The following ROBO2 variants were observed in gnomAD, a reference collection of about 807,000 sequenced individuals.
ROBO2 encodes the protein roundabout guidance receptor 2, also known as roundabout homolog 2.
A neutral mutation model predicts 160.8 loss-of-function variants in ROBO2; 53 were observed. The ratio of observed to expected loss-of-function variants is 0.33; its 90% CI spans 0.26 to 0.41. The LOEUF (loss-of-function observed/expected upper bound fraction) is 0.41, where lower values mean the gene tolerates loss of function less well. Among genes scored for constraint, ROBO2 ranks in the 10% least tolerant of loss-of-function variants. The pLI, the probability that ROBO2 is intolerant of heterozygous loss-of-function variation, is 1.00. For missense variants in ROBO2, 1,577 were observed against 1,722.4 expected, an observed-to-expected ratio of 0.92 and a Z score of 1.49; for synonymous variants, 664 against 611.7, an observed-to-expected ratio of 1.09 and a Z score of -1.26.
intron 2 of ROBO2, among the ~76,000 whole-genome samples, chr3:76,048,322 A>G (rs1054684673): frequency 1.1e-4 from 16 of 152,174 alleles, no homozygotes; most frequent in African/African-American, 3.6e-4. Flanking sequence ...CATTTTAGAT[A>G]AACAAAATTA....
At chr3:76,767,409 T>C (rs1352739287) in intron 2 of ROBO2, among the ~76,000 whole-genome samples, 1 of 151,638 alleles carries the variant, frequency 6.6e-6, no homozygotes, top group Non-Finnish European at 1.5e-5. Flanking sequence ...CTTATATCTC[T>C]TCTTGTTCGA....
intron 2 of ROBO2, among the ~76,000 whole-genome samples, chr3:76,633,221 G>T (rs1017956484): frequency 2.6e-5 from 4 of 151,978 alleles, no homozygotes; most frequent in Non-Finnish European, 5.9e-5. Flanking sequence ...TATAAAACAG[G>T]CTGTTTTGAG....
intron 2 of ROBO2, among the ~76,000 whole-genome samples, chr3:76,348,061 A>G (rs1293961386): frequency 6.6e-6 from 1 of 152,078 alleles, no homozygotes; most frequent in Non-Finnish European, 1.5e-5. Context: ...ATCCGCCATC[A>G]TTCCACAGTC....
intron 2 of ROBO2, among the ~76,000 whole-genome samples, chr3:76,584,480 C>T (rs932453525): frequency 1.3e-5 from 2 of 152,016 alleles, no homozygotes; most frequent in South Asian, 4.2e-4. Flanking sequence ...CTTATATAAA[C>T]AGGAACCTTG....
intron 2 of ROBO2, among the ~76,000 whole-genome samples, chr3:76,595,693 T>C (rs2086692077): frequency 6.6e-6 from 1 of 152,096 alleles, no homozygotes; most frequent in South Asian, 2.1e-4. Context: ...TATGGTTCCC[T>C]GAAAAAAGTT....
At chr3:75,914,907 C>T (rs1376096078) in intron 1 of ROBO2, among the ~76,000 whole-genome samples, 3 of 152,168 alleles carry the variant, frequency 2.0e-5, no homozygotes, top group African/African-American at 2.4e-5. Context: ...TGATAGGCTG[C>T]GTGTACATGT....
At chr3:76,555,432 G>GAAGAAGAAGAAA (rs1560141931) in intron 2 of ROBO2, among the ~76,000 whole-genome samples, 5 of 91,670 alleles carry the variant, frequency 5.5e-5, no homozygotes, top group Admixed American at 1.4e-4. Context: ...AAGGAGAAGG[G>GAAGAAGAAGAAA]GAAGGGGAAG....
At chr3:76,809,637 G>A (rs1424850437) in intron 2 of ROBO2, among the ~76,000 whole-genome samples, 1 of 152,246 alleles carries the variant, frequency 6.6e-6, no homozygotes, top group South Asian at 2.1e-4. Flanking sequence ...CTATGAATGG[G>A]AAGCTGAATT....
rs151294439 is a variant in ROBO2, at chr3:76,671,117, C to T, written c.110-426897C>T. Among the ~76,000 whole-genome samples the T allele has an allele frequency of 1.3e-3, 194 of 152,186 alleles. 3 individuals carry two copies. Among genetic ancestry groups the T allele is most frequent in the African/African-American group, 4.5e-3 (185 of 41,526 alleles). On this transcript the variant is annotated intron_variant, in intron 2 of 26. Coordinates refer to the ROBO2 transcript ENST00000487694. The stretch of plus-strand genomic sequence containing the variant: ...AGGCATTACATGCTTAACTAACTGA[C>T]ATGTCTTCTCTAAATAGTCATGTAA...
intron 2 of ROBO2, among the ~76,000 whole-genome samples, chr3:76,580,328 GTTTTTTTTTT>G: frequency 1.5e-5 from 1 of 67,260 alleles, no homozygotes; most frequent in African/African-American, 7.1e-5. Flanking sequence ...TTTTTTTTTT[GTTTTTTTTTT>G]TGTGTTTTTT....
intron 5 of ROBO2, among the ~76,000 whole-genome samples, chr3:77,500,202 C>T (rs2087382207): frequency 6.6e-6 from 1 of 152,086 alleles, no homozygotes; most frequent in South Asian, 2.1e-4. Context: ...GAGGACTTAC[C>T]ATGTGCCTTA....
intron 1 of ROBO2, among the ~76,000 whole-genome samples, chr3:75,907,425 T>TCCA (rs1016851431): frequency 4.6e-5 from 7 of 152,092 alleles, no homozygotes; most frequent in African/African-American, 1.7e-4. Context: ...ACTCTTCCTT[T>TCCA]CCACCTAATT....
At chr3:77,436,931 T>C (rs2079352568) in intron 2 of ROBO2, among the ~76,000 whole-genome samples, 1 of 151,970 alleles carries the variant, frequency 6.6e-6, no homozygotes, top group African/African-American at 2.4e-5. Context: ...ATGCAACTTA[T>C]TTTATTATTA....
At chr3:76,958,679 T>C (rs12496653) in intron 2 of ROBO2, among the ~76,000 whole-genome samples, 30,608 of 152,198 alleles carry the variant, frequency 0.2, 3,221 homozygotes, top group South Asian at 0.31. Context: ...TTTTTAAAGC[T>C]GTGTTTTCCA....
chr3:76,893,699 T>A (rs561908233), intron 2 of ROBO2, among the ~76,000 whole-genome samples: 1 of 152,244 alleles, frequency 6.6e-6, no homozygotes, highest in Non-Finnish European at 1.5e-5. Context: ...CTAACTACTT[T>A]GAAATATACA....
At chr3:77,596,873 G>T in intron 19 of ROBO2, 123 bp downstream of exon 20, 2 of 1,119,326 alleles carry the variant, frequency 1.8e-6, no homozygotes. Context: ...TAAAATCAAT[G>T]AAACATATGC....
chr3:76,700,546 G>A (rs578013150), intron 2 of ROBO2, among the ~76,000 whole-genome samples: 1 of 152,176 alleles, frequency 6.6e-6, no homozygotes, highest in African/African-American at 2.4e-5. Flanking sequence ...GCTGGGCTCC[G>A]ACAGTCTTGA....
In ROBO2 at chr3:75,946,789, G is replaced by A. The variant is rs549357380; in HGVS notation, c.109+9187G>A. On this transcript the variant is annotated intron_variant, in intron 2 of 26. Coordinates refer to the ROBO2 transcript ENST00000487694. ...GGAAGAGCATGGAGAGGTATTACAT[G>A]AGTGCTCTCAGGGACCAAATTTAGA... Among the ~76,000 whole-genome samples, 5 of 152,200 alleles carry A rather than the reference G, an allele frequency of 3.3e-5. No individual in the cohort carries two copies. The East Asian group carries it at 9.7e-4, about 29-fold the overall frequency.
chr3:76,283,102 A>G (rs9826329), intron 2 of ROBO2, among the ~76,000 whole-genome samples: 1 of 124,494 alleles, frequency 8.0e-6, no homozygotes, highest in Non-Finnish European at 1.8e-5. Flanking sequence ...AACATAAATA[A>G]ATATAATAGT....
Sources: gnomAD v4.1 joint callset for allele counts (sites outside exome capture counted in the v4.1 genomes callset) on GRCh38, gnomAD v4.1.1 for gene constraint, MANE v1.5 for transcripts, NCBI Gene and HGNC (gene_info 2026-07-23, HGNC 2026-07-21) for gene names.